The following CATSPERB variants were observed in gnomAD, a reference collection of about 807,000 sequenced individuals.
CATSPERB encodes cation channel sperm-associated auxiliary subunit beta.
A neutral mutation model predicts 128.3 loss-of-function variants in CATSPERB; 93 were observed. The ratio of observed to expected loss-of-function variants is 0.72; its 90% CI spans 0.61 to 0.86. The LOEUF (loss-of-function observed/expected upper bound fraction) is 0.86, where lower values mean the gene tolerates loss of function less well. CATSPERB is among the 40% of genes least tolerant of loss of function. The pLI is 0.00. For synonymous variants in CATSPERB, 381 were observed against 448.8 expected, an observed-to-expected ratio of 0.85 and a Z score of 1.91; for missense variants, 1,153 against 1,329.5, an observed-to-expected ratio of 0.87 and a Z score of 2.06.
At chr14:91,609,959 G>A (rs1893793593) in intron 21 of CATSPERB, among the ~76,000 whole-genome samples, 1 of 152,088 alleles carries the variant, frequency 6.6e-6, no homozygotes, top group South Asian at 2.1e-4. Context: ...GACCTCAAGT[G>A]ATCTGCCCGC....
chr14:91,602,482 T>G (rs1335238836), intron 22 of CATSPERB, among the ~76,000 whole-genome samples: 1 of 152,096 alleles, frequency 6.6e-6, no homozygotes, highest in Non-Finnish European at 1.5e-5. Flanking sequence ...CAAAAATTAT[T>G]TAGGCACATT....
chr14:91,692,532 A>G (rs1370395599), intron 9 of CATSPERB, among the ~76,000 whole-genome samples: 1 of 152,218 alleles, frequency 6.6e-6, no homozygotes, highest in South Asian at 2.1e-4. Flanking sequence ...CTGAAGAAAG[A>G]TAATAATTAC....
At chr14:91,627,812 T>G (rs1364804035) in intron 17 of CATSPERB, among the ~76,000 whole-genome samples, 4 of 151,758 alleles carry the variant, frequency 2.6e-5, no homozygotes, top group African/African-American at 9.7e-5. Flanking sequence ...TCTAAAAACA[T>G]TTAAAAATAA....
intron 15 of CATSPERB, among the ~76,000 whole-genome samples, chr14:91,646,662 C>T (rs886400953): frequency 2.1e-4 from 32 of 152,304 alleles, no homozygotes; most frequent in African/African-American, 7.5e-4. Flanking sequence ...GGTTGTCTAT[C>T]TCCACAATTA....
At position 91,653,267 on chromosome 14, in the gene CATSPERB, G is replaced by A. The variant is rs552698799; in HGVS notation, c.1432+6570C>T. 3.9e-5 allele frequency among the ~76,000 whole-genome samples: 6 copies of A among 152,248 alleles called. No homozygotes were observed. In the East Asian group the frequency reaches 7.7e-4, roughly 20 times the overall value. On this transcript the variant is annotated intron_variant, in intron 15 of 26. Coordinates refer to ENST00000256343, the MANE Select transcript of CATSPERB (RefSeq NM_024764.4). Reference sequence around the variant, plus strand: ...GCCTCTGTCTTGTCTTGGTGACAGTGTTTTTCTAATTTCTGTTAGACCTAA... The same window carrying A: ...GCCTCTGTCTTGTCTTGGTGACAGTATTTTTCTAATTTCTGTTAGACCTAA...
chr14:91,584,717 C>T (rs574004227), intron 26 of CATSPERB, among the ~76,000 whole-genome samples: 1 of 152,186 alleles, frequency 6.6e-6, no homozygotes, highest in African/African-American at 2.4e-5. Flanking sequence ...ACCCTCACCC[C>T]TAACACTTTA....
intron 19 of CATSPERB, among the ~76,000 whole-genome samples, chr14:91,618,538 T>C (rs1426733374): frequency 6.6e-6 from 1 of 152,212 alleles, no homozygotes; most frequent in Non-Finnish European, 1.5e-5. Flanking sequence ...TCTCCAATAA[T>C]ACTGGCTACA....
chr14:91,606,421 T>A (rs1704651), intron 22 of CATSPERB, among the ~76,000 whole-genome samples: 120,208 of 151,638 alleles, frequency 0.79, 47,840 homozygotes, highest in East Asian at 0.9. Flanking sequence ...ACATTGGCTG[T>A]GCGTGGTGGT....
intron 15 of CATSPERB, among the ~76,000 whole-genome samples, chr14:91,652,564 G>A (rs1329999725): frequency 6.7e-6 from 1 of 148,838 alleles, no homozygotes; most frequent in East Asian, 2.0e-4. Flanking sequence ...CCAGCTACTC[G>A]GGAGGCTGAG....
chr14:91,674,033 C>T (rs1410333599), intron 12 of CATSPERB, 143 bp downstream of exon 12: 2 of 567,672 alleles, frequency 3.5e-6, no homozygotes, highest in Non-Finnish European at 6.3e-6. Flanking sequence ...CTAATAAACC[C>T]AAGTAGAAAC....
intron 9 of CATSPERB, among the ~76,000 whole-genome samples, chr14:91,692,501 T>C (rs970834201): frequency 1.6e-4 from 24 of 152,274 alleles, no homozygotes; most frequent in African/African-American, 5.8e-4. Flanking sequence ...AAGGCTCAGG[T>C]ATATGTGAAT....
intron 26 of CATSPERB, among the ~76,000 whole-genome samples, chr14:91,583,793 C>A (rs1368159206): frequency 6.7e-6 from 1 of 149,252 alleles, no homozygotes; most frequent in Non-Finnish European, 1.5e-5. Context: ...TTTTTTTTTT[C>A]TTCAGTTATC....
intron 11 of CATSPERB, among the ~76,000 whole-genome samples, chr14:91,676,993 A>G (rs1895202509): frequency 6.6e-6 from 1 of 152,252 alleles, no homozygotes; most frequent in African/African-American, 2.4e-5. Context: ...TATTTAATAA[A>G]TGGTGCTGGG....
intron 15 of CATSPERB, among the ~76,000 whole-genome samples, chr14:91,657,789 G>A (rs12878642): frequency 0.58 from 88,305 of 151,950 alleles, 26,344 homozygotes; most frequent in East Asian, 0.77. Flanking sequence ...ACTGACCATC[G>A]GTGAAATACA....
chr14:91,584,972 C>T (rs12884757), intron 26 of CATSPERB, among the ~76,000 whole-genome samples: 19,684 of 151,814 alleles, frequency 0.13, 1,497 homozygotes, highest in Middle Eastern at 0.22. Flanking sequence ...GAGGCTTTTC[C>T]GTCTTTATTT....
At chr14:91,713,414 T>G (rs1689717866) in intron 5 of CATSPERB, among the ~76,000 whole-genome samples, 1 of 151,946 alleles carries the variant, frequency 6.6e-6, no homozygotes, top group Admixed American at 6.6e-5. Flanking sequence ...CTTTGAAACA[T>G]AAAAACCGAT....
intron 7 of CATSPERB, among the ~76,000 whole-genome samples, chr14:91,693,739 T>C (rs1158909841): frequency 1.3e-5 from 2 of 152,214 alleles, no homozygotes; most frequent in Non-Finnish European, 2.9e-5. Context: ...TCTCTTAAAA[T>C]ATCTTCCAAA....
intron 2 of CATSPERB, among the ~76,000 whole-genome samples, chr14:91,728,932 C>T (rs1250901373): frequency 1.3e-5 from 2 of 152,214 alleles, no homozygotes; most frequent in Admixed American, 1.3e-4. Context: ...TCTCACTTTC[C>T]ACAGTTTCAG....
intron 4 of CATSPERB, among the ~76,000 whole-genome samples, chr14:91,721,473 C>T (rs1218944868): frequency 6.6e-6 from 1 of 152,072 alleles, no homozygotes; most frequent in Non-Finnish European, 1.5e-5. Context: ...AAAAGATACT[C>T]AACATCATTA....
Sources: gnomAD v4.1 joint callset for allele counts (sites outside exome capture counted in the v4.1 genomes callset) on GRCh38, gnomAD v4.1.1 for gene constraint, MANE v1.5 for transcripts, NCBI Gene and HGNC (gene_info 2026-07-23, HGNC 2026-07-21) for gene names.